Variants in SRPK2 observed in about 807,000 individuals in gnomAD.
SRPK2 encodes SFRS protein kinase 2.
Under a neutral mutation model 90.8 loss-of-function variants are expected in SRPK2, and 21 were observed. That is an observed-to-expected ratio of 0.23 (90% CI 0.16 to 0.33). The LOEUF (loss-of-function observed/expected upper bound fraction) is 0.33, where lower values mean the gene tolerates loss of function less well. Ranked by LOEUF, SRPK2 falls within the 10% of genes least tolerant of loss-of-function variation. The pLI is 1.00. For missense variants in SRPK2, 620 were observed against 869.0 expected (o/e 0.71, Z 3.60); for synonymous variants, 288 against 311.1 (o/e 0.93, Z 0.78).
intron 2 of SRPK2, among the ~76,000 whole-genome samples, chr7:105,334,849 C>CAA (rs1334742938): frequency 2.3e-5 from 3 of 130,834 alleles, no homozygotes; most frequent in African/African-American, 8.8e-5. Flanking sequence ...AAAAAAAAAA[C>CAA]AAAAAAAAAA....
chr7:105,203,783 G>A lies in SRPK2; in HGVS notation c.74C>T (p.Pro25Leu), dbSNP rs1468635464. 17 of 1,577,534 alleles carry A rather than the reference G, an allele frequency of 1.1e-5. No individual in the cohort carries two copies. The highest frequency in any genetic ancestry group is 2.3e-5 in the East Asian group (1 of 42,978). Residue 25 changes from proline (P) to leucine (L), a missense_variant and splice_region_variant, in exon 3 of 16, where the codon CCG (proline) becomes CTG (leucine). This residue lies in a region of SRPK2 where 56 missense variants were observed against 49.6 expected (regional missense o/e 1.13). Transcript: ENST00000393651. Reference protein sequence around the residue: ...RPKREKHPKKPEPQQKAPLVP... With the variant: ...RPKREKHPKKLEPQQKAPLVP... ...TAAAGGAGCTTTCTGTTGAGGCTCC[G>A]GCCTGAAAGAGCAGAGAGAAAATTG...
intron 3 of SRPK2, among the ~76,000 whole-genome samples, chr7:105,170,875 GA>G (rs1312340017): frequency 1.5e-4 from 17 of 115,232 alleles, no homozygotes; most frequent in Admixed American, 3.9e-4. Context: ...AAGAAAGAAA[GA>G]AAGAAAGAAA....
chr7:105,224,310 T>C (rs1005529391), intron 2 of SRPK2, among the ~76,000 whole-genome samples: 1 of 152,194 alleles, frequency 6.6e-6, no homozygotes, highest in African/African-American at 2.4e-5. Context: ...CTGTAACCTT[T>C]ACTCAAAAAT....
Position 105,190,552 on chromosome 7 carries a change from A to G in SRPK2, c.229+13076T>C, listed in dbSNP as rs118115708. Among the ~76,000 whole-genome samples, 190 of 152,270 alleles carry G rather than the reference A, an allele frequency of 1.2e-3. 1 individual carries two copies. The highest frequency in any genetic ancestry group is 2.3e-3 in the Non-Finnish European group (159 of 68,022). The stretch of plus-strand genomic sequence containing the variant: ...ATCTGTTTTACCTATCAAATCTATA[A>G]TATCTGTGTAAGGTTTGGGAACAGT... On this transcript the variant is annotated intron_variant, in intron 3 of 15. Transcript: ENST00000393651.
chr7:105,226,304 T>C (rs558095369), intron 2 of SRPK2, among the ~76,000 whole-genome samples: 1 of 152,256 alleles, frequency 6.6e-6, no homozygotes, highest in South Asian at 2.1e-4. Context: ...AATTTTTTTT[T>C]TAACAGAGTC....
chr7:105,360,570 G>A (rs185692082), intron 2 of SRPK2, among the ~76,000 whole-genome samples: 39 of 152,210 alleles, frequency 2.6e-4, no homozygotes, highest in African/African-American at 8.9e-4. Context: ...GCCTGGTGGT[G>A]ACAAAATCTC....
intron 2 of SRPK2, among the ~76,000 whole-genome samples, chr7:105,333,297 T>C (rs1284356121): frequency 1.3e-5 from 2 of 152,244 alleles, no homozygotes; most frequent in Non-Finnish European, 2.9e-5. Context: ...CAATATAGGT[T>C]GGATAATACC....
intron 6 of SRPK2, among the ~76,000 whole-genome samples, chr7:105,163,508 T>A (rs1197431218): frequency 6.6e-6 from 1 of 151,884 alleles, no homozygotes. Flanking sequence ...GGAAAAAAAG[T>A]TTGCGGCCGG....
At chr7:105,300,090 G>A (rs1369164189) in intron 2 of SRPK2, among the ~76,000 whole-genome samples, 33 of 150,150 alleles carry the variant, frequency 2.2e-4, no homozygotes, top group South Asian at 2.1e-4. Flanking sequence ...ATAATTGGCC[G>A]GGCATCACCA....
chr7:105,149,864 T>A (rs1805364316), intron 7 of SRPK2, among the ~76,000 whole-genome samples: 1 of 152,202 alleles, frequency 6.6e-6, no homozygotes. Context: ...TAAAACAACT[T>A]TACCTTACAG....
intron 2 of SRPK2, among the ~76,000 whole-genome samples, chr7:105,287,518 CT>C (rs1248381592): frequency 7.9e-5 from 12 of 152,086 alleles, no homozygotes. Context: ...GGGGAGATCA[CT>C]TGAGGTCAGG....
intron 2 of SRPK2, among the ~76,000 whole-genome samples, chr7:105,225,018 G>C (rs1307076572): frequency 6.6e-6 from 1 of 152,074 alleles, no homozygotes; most frequent in East Asian, 1.9e-4. Context: ...AATTTACCTA[G>C]AAGACTGCCA....
intron 3 of SRPK2, among the ~76,000 whole-genome samples, chr7:105,189,014 A>C (rs73715439): frequency 0.037 from 5,692 of 152,232 alleles, 382 homozygotes; most frequent in African/African-American, 0.13. Flanking sequence ...AGCTAAGAAG[A>C]AGCCACCATG....
intron 2 of SRPK2, among the ~76,000 whole-genome samples, chr7:105,345,616 A>C (rs1270944850): frequency 6.6e-6 from 1 of 152,248 alleles, no homozygotes; most frequent in African/African-American, 2.4e-5. Context: ...CTTATCTTTC[A>C]AAGGATGAAA....
intron 2 of SRPK2, among the ~76,000 whole-genome samples, chr7:105,215,163 CT>C (rs530716026): frequency 2.8e-4 from 42 of 152,216 alleles, no homozygotes; most frequent in Non-Finnish European, 5.3e-4. Context: ...AAATTCTTAC[CT>C]CCCACCATAC....
intron 7 of SRPK2, among the ~76,000 whole-genome samples, chr7:105,147,255 T>A (rs1416132808): frequency 6.6e-6 from 1 of 152,170 alleles, no homozygotes; most frequent in East Asian, 1.9e-4. Flanking sequence ...ATTGACCCCT[T>A]TAGGTATACA....
chr7:105,160,660 G>C, intron 6 of SRPK2, 47 bp from the exon 7 acceptor site: 1 of 1,121,224 alleles, frequency 8.9e-7, no homozygotes, highest in Non-Finnish European at 1.4e-6. Context: ...CCTGGAGTGA[G>C]GCAGTTATTG....
chr7:105,164,919 C>T (rs1221734581), intron 6 of SRPK2, among the ~76,000 whole-genome samples: 4 of 152,212 alleles, frequency 2.6e-5, no homozygotes, highest in African/African-American at 9.6e-5. Flanking sequence ...GCTACTGACA[C>T]AACCTAGCAC....
intron 2 of SRPK2, among the ~76,000 whole-genome samples, chr7:105,283,842 A>G (rs1348773359): frequency 6.6e-6 from 1 of 152,026 alleles, no homozygotes. Flanking sequence ...AATACAAAAA[A>G]AAAACTAGCC....
Sources: gnomAD v4.1 joint callset for allele counts (sites outside exome capture counted in the v4.1 genomes callset) on GRCh38, gnomAD v4.1.1 for gene constraint, gnomAD v4.1.1 regional missense constraint, MANE v1.5 for transcripts, NCBI Gene and HGNC (gene_info 2026-07-23, HGNC 2026-07-21) for gene names.